LPIN1: variants seen among roughly 807,000 people sequenced by gnomAD.
The protein encoded by LPIN1 is lipin 1, also known as phosphatidate phosphatase LPIN1.
Under a neutral mutation model 107.5 loss-of-function variants are expected in LPIN1, and 71 were observed. That is an observed-to-expected ratio of 0.66 (90% CI 0.55 to 0.80). The LOEUF is 0.80. LPIN1 is among the 30% of genes least tolerant of loss of function. The pLI, the probability that LPIN1 is intolerant of heterozygous loss-of-function variation, is 0.00. For missense variants in LPIN1, 1,043 were observed against 1,160.6 expected, an observed-to-expected ratio of 0.90 and a Z score of 1.47; for synonymous variants, 445 against 452.6, an observed-to-expected ratio of 0.98 and a Z score of 0.21.
chr2:11,752,690 C>G (rs1668041019), intron 1 of LPIN1, among the ~76,000 whole-genome samples: 1 of 151,878 alleles, frequency 6.6e-6, no homozygotes, highest in Non-Finnish European at 1.5e-5. Context: ...CTCGGCCTCC[C>G]AAAGTGCTGG....
At chr2:11,794,896 G>A (rs1186325278) in intron 13 of LPIN1, among the ~76,000 whole-genome samples, 1 of 152,158 alleles carries the variant, frequency 6.6e-6, no homozygotes, top group Non-Finnish European at 1.5e-5. Flanking sequence ...AACAAGACTG[G>A]GCCCAGGCAT....
At chr2:11,804,862 C>T (rs752442794) in intron 16 of LPIN1, among the ~76,000 whole-genome samples, 3 of 152,178 alleles carry the variant, frequency 2.0e-5, no homozygotes, top group African/African-American at 7.2e-5. Flanking sequence ...CCGGTCACCT[C>T]GATGCATGAT....
upstream of LPIN1, among the ~76,000 whole-genome samples, chr2:11,720,385 A>T (rs551565281): frequency 3.3e-5 from 5 of 152,290 alleles, no homozygotes; most frequent in South Asian, 1.0e-3. Flanking sequence ...CTTCCCTCCT[A>T]TAGCATCTGT....
intron 1 of LPIN1, among the ~76,000 whole-genome samples, chr2:11,762,012 C>T (rs1669914022): frequency 6.6e-6 from 1 of 152,008 alleles, no homozygotes. Flanking sequence ...GGGCTCGTTC[C>T]CACAAGCTGT....
At chr2:11,738,798 G>A (rs1363851583) in intron 1 of LPIN1, among the ~76,000 whole-genome samples, 1 of 152,174 alleles carries the variant, frequency 6.6e-6, no homozygotes, top group East Asian at 1.9e-4. Context: ...GAGCCACAGA[G>A]AATGGTTCAG....
At chr2:11,756,133 C>T (rs958037742) in intron 1 of LPIN1, among the ~76,000 whole-genome samples, 7 of 152,112 alleles carry the variant, frequency 4.6e-5, no homozygotes, top group African/African-American at 1.4e-4. Flanking sequence ...TGCATTTGCT[C>T]GGCCAGTCTT....
Position 11,795,496 on chromosome 2 carries a change from G to T in LPIN1, c.1886+9G>T, listed in dbSNP as rs761223940. On this transcript the variant is annotated intron_variant, in intron 14 of 20. Coordinates refer to ENST00000674199, the MANE Select transcript of LPIN1 (RefSeq NM_001349206.2). ...CTCAGCTTGGCCACCAGGTGCGGTA[G>T]GAGGCTTCTTGGGATGTTTGCAGCC... The T allele has an allele frequency of 2.5e-6, 4 of 1,613,718 alleles. No homozygotes were observed. In the Admixed American group the frequency reaches 6.7e-5, roughly 27 times the overall value.
chr2:11,791,610 TACTAATC>T (rs1230104491), intron 12 of LPIN1: 3 of 1,221,036 alleles, frequency 2.5e-6, no homozygotes. Context: ...CTTCCAGTCT[TACTAATC>T]ACTAATGATT....
In LPIN1 at chr2:11,759,721, C is replaced by T. The variant is rs865983018; in HGVS notation, c.-9-5812C>T. On this transcript the variant is annotated intron_variant, in intron 1 of 20. Transcript: ENST00000674199. ...TACACCTCCCAGACGGGGTGGCGGC[C>T]GGGCAGAGGGGCTCCTCACTTCCCA... Among the ~76,000 whole-genome samples the T allele has an allele frequency of 4.9e-3, 590 of 120,576 alleles. 1 individual carries two copies. Among genetic ancestry groups the T allele is most frequent in the African/African-American group, 0.012 (409 of 33,234 alleles). 79.1% of individuals were successfully genotyped at this position (120,576 alleles called of 152,430 possible).
At chr2:11,734,082 T>C (rs1665542602) in intron 1 of LPIN1, among the ~76,000 whole-genome samples, 1 of 152,218 alleles carries the variant, frequency 6.6e-6, no homozygotes, top group South Asian at 2.1e-4. Context: ...GTATTGTGCA[T>C]TTGGCCATGA....
intron 1 of LPIN1, among the ~76,000 whole-genome samples, chr2:11,692,091 C>A (rs559873235): frequency 3.9e-5 from 6 of 152,198 alleles, no homozygotes; most frequent in Admixed American, 3.9e-4. Context: ...CCTTGTTTTC[C>A]GATCTGAAGA....
chr2:11,693,090 T>A (rs1202978441), intron 1 of LPIN1, among the ~76,000 whole-genome samples: 2 of 152,000 alleles, frequency 1.3e-5, no homozygotes, highest in African/African-American at 2.4e-5. Flanking sequence ...ATGGGTCCGA[T>A]AGGTGGAGCT....
intron 19 of LPIN1, among the ~76,000 whole-genome samples, chr2:11,820,051 A>G (rs1475716448): frequency 6.6e-6 from 1 of 152,220 alleles, no homozygotes; most frequent in Non-Finnish European, 1.5e-5. Context: ...TAAGTATTCT[A>G]GAGAATGTAG....
Position 11,825,991 on chromosome 2 carries a change from C to G in LPIN1, c.*1200C>G, listed in dbSNP as rs747414486. 6.6e-6 allele frequency: 1 copy of G among 152,248 alleles called. No homozygotes were observed. Among genetic ancestry groups the G allele is most frequent in the African/African-American group, 2.4e-5 (1 of 41,412 alleles). 9.4% of individuals were successfully genotyped at this position (152,248 alleles called of 1,614,324 possible). On this transcript the variant is annotated 3_prime_UTR_variant, in exon 21 of 21. Transcript: ENST00000674199. The surrounding 1 kb of genome is among the most constrained non-coding windows in gnomAD (Gnocchi z 4.1). ...TTTTTCCACTCAAATTAAGGGCAAGCGAAAAAGTAATAATTTGGCATTCTT... is the reference window on the plus strand; with the variant it reads ...TTTTTCCACTCAAATTAAGGGCAAGGGAAAAAGTAATAATTTGGCATTCTT...
intron 13 of LPIN1, among the ~76,000 whole-genome samples, chr2:11,793,719 G>A (rs1346865105): frequency 1.3e-5 from 2 of 152,190 alleles, no homozygotes; most frequent in Non-Finnish European, 2.9e-5. Flanking sequence ...CTGCAGATGA[G>A]TCTGGTCTGC....
Position 11,692,625 on chromosome 2 carries a change from G to A in LPIN1, c.81+14897G>A, listed in dbSNP as rs560304974. On this transcript the variant is annotated intron_variant, in intron 1 of 21. Coordinates refer to the LPIN1 transcript ENST00000449576. ...AGCACGATACGTGCCCTACACATGCGTCCACCTCCTTCTTTCCTCCCCCAC... is the reference window on the plus strand; with the variant it reads ...AGCACGATACGTGCCCTACACATGCATCCACCTCCTTCTTTCCTCCCCCAC... Among the ~76,000 whole-genome samples the A allele has an allele frequency of 3.8e-4, 58 of 151,230 alleles. No homozygotes were observed. The South Asian group carries it at 0.01, about 27-fold the overall frequency.
intron 14 of LPIN1, among the ~76,000 whole-genome samples, chr2:11,798,829 A>G (rs938299091): frequency 1.3e-5 from 2 of 152,166 alleles, no homozygotes; most frequent in Non-Finnish European, 2.9e-5. Flanking sequence ...CGTGATTGAC[A>G]GAATAGTCCC....
chr2:11,787,668 G>A (rs1214247677), intron 11 of LPIN1, among the ~76,000 whole-genome samples: 2 of 152,004 alleles, frequency 1.3e-5, no homozygotes, highest in East Asian at 1.9e-4. Context: ...TCGGCTGGGC[G>A]CAGTGGCTGG....
At chr2:11,814,102 G>A (rs917416974) in intron 17 of LPIN1, among the ~76,000 whole-genome samples, 1 of 152,134 alleles carries the variant, frequency 6.6e-6, no homozygotes. Context: ...GCGCTTGTGC[G>A]TTTTGAGGCT....
Sources: gnomAD v4.1 joint callset for allele counts (sites outside exome capture counted in the v4.1 genomes callset) on GRCh38, gnomAD v4.1.1 for gene constraint, Gnocchi (gnomAD v3.1) non-coding constraint, MANE v1.5 for transcripts, NCBI Gene and HGNC (gene_info 2026-07-23, HGNC 2026-07-21) for gene names.